The following RABEP1 variants were observed in gnomAD, a reference collection of about 807,000 sequenced individuals.
The protein encoded by RABEP1 is rab GTPase-binding effector protein 1.
A neutral mutation model predicts 123.4 loss-of-function variants in RABEP1; 51 were observed. That is an observed-to-expected ratio of 0.41 (90% CI 0.33 to 0.52). RABEP1 has a LOEUF of 0.52. RABEP1 is among the 20% of genes least tolerant of loss of function. The probability of loss-of-function intolerance (pLI) is 0.16; values close to 1 mark genes in which losing one functional copy is unlikely to be tolerated. For synonymous variants in RABEP1, 347 were observed against 355.2 expected, an observed-to-expected ratio of 0.98 and a Z score of 0.26; for missense variants, 888 against 996.3, an observed-to-expected ratio of 0.89 and a Z score of 1.46.
intron 12 of RABEP1, among the ~76,000 whole-genome samples, chr17:5,372,437 C>T (rs1407442751): frequency 3.3e-5 from 5 of 152,048 alleles, no homozygotes; most frequent in South Asian, 4.1e-4. Flanking sequence ...GGCTACAGAG[C>T]GAGACTGTCT....
At chr17:5,335,959 G>A (rs539827501) in intron 4 of RABEP1, among the ~76,000 whole-genome samples, 3 of 151,646 alleles carry the variant, frequency 2.0e-5, no homozygotes, top group Non-Finnish European at 2.9e-5. Context: ...CTTCTTTCTC[G>A]GTATCCTTTG....
At chr17:5,358,722 T>C (rs1162773755) in intron 8 of RABEP1, among the ~76,000 whole-genome samples, 2 of 151,900 alleles carry the variant, frequency 1.3e-5, no homozygotes, top group African/African-American at 4.8e-5. Flanking sequence ...ATTTTTAAGA[T>C]ATTATTGCCA....
chr17:5,335,922 A>C (rs1907035511), intron 4 of RABEP1, among the ~76,000 whole-genome samples: 1 of 152,090 alleles, frequency 6.6e-6, no homozygotes, highest in Non-Finnish European at 1.5e-5. Context: ...TGTCTAAAGC[A>C]AAGTTTTAGA....
intron 1 of RABEP1, among the ~76,000 whole-genome samples, chr17:5,283,714 T>G (rs1484692538): frequency 6.6e-6 from 1 of 152,160 alleles, no homozygotes; most frequent in Non-Finnish European, 1.5e-5. Context: ...ATTTTTGCCT[T>G]TGGGGAACTT....
chr17:5,376,006 G>A (rs910254575), intron 13 of RABEP1, among the ~76,000 whole-genome samples: 2 of 152,072 alleles, frequency 1.3e-5, no homozygotes, highest in Admixed American at 6.6e-5. Flanking sequence ...CTGAGTAGCT[G>A]GGACTACAGG....
intron 7 of RABEP1, among the ~76,000 whole-genome samples, chr17:5,351,138 GAC>G (rs146414631): frequency 0.14 from 20,574 of 152,034 alleles, 1,446 homozygotes; most frequent in East Asian, 0.17. Context: ...CAAAAGATTG[GAC>G]ACCTGCTCTA....
At chr17:5,329,415 C>T (rs1906299732) in intron 2 of RABEP1, among the ~76,000 whole-genome samples, 2 of 152,150 alleles carry the variant, frequency 1.3e-5, no homozygotes, top group South Asian at 4.1e-4. Flanking sequence ...CCTGTAATCC[C>T]AGCTACTTGG....
intron 5 of RABEP1, among the ~76,000 whole-genome samples, chr17:5,343,625 C>T (rs1339081050): frequency 6.6e-6 from 1 of 151,048 alleles, no homozygotes; most frequent in Non-Finnish European, 1.5e-5. Flanking sequence ...TAGACCCACT[C>T]TCTCCACCTT....
chr17:5,324,205 C>T lies in RABEP1; in HGVS notation c.164-7744C>T, dbSNP rs561384004. 5.9e-5 allele frequency among the ~76,000 whole-genome samples: 9 copies of T among 152,132 alleles called. No individual in the cohort carries two copies. In the South Asian group the frequency reaches 1.9e-3, roughly 32 times the overall value. On this transcript the variant is annotated intron_variant, in intron 2 of 17. Coordinates refer to ENST00000537505, the MANE Select transcript of RABEP1 (RefSeq NM_004703.6). Reference sequence around the variant, plus strand: ...AAAATTTACTACAAAGCTATAGTAACCCAATCAGCATGGCACTGGCATAAA... The same window carrying T: ...AAAATTTACTACAAAGCTATAGTAATCCAATCAGCATGGCACTGGCATAAA...
At chr17:5,308,505 C>T (rs1455290052) in intron 1 of RABEP1, among the ~76,000 whole-genome samples, 189 bp from the exon 2 acceptor site, 3 of 152,170 alleles carry the variant, frequency 2.0e-5, no homozygotes, top group African/African-American at 4.8e-5. Flanking sequence ...GGATTACAGG[C>T]GTGAGCCACC....
At chr17:5,289,362 C>T (rs2075010498) in intron 1 of RABEP1, among the ~76,000 whole-genome samples, 1 of 149,626 alleles carries the variant, frequency 6.7e-6, no homozygotes, top group Non-Finnish European at 1.5e-5. Context: ...TTGTCATTTA[C>T]CTCGTTTTAA....
chr17:5,335,383 T>G, intron 4 of RABEP1, 39 bp downstream of exon 4: 1 of 1,527,642 alleles, frequency 6.5e-7, no homozygotes, highest in South Asian at 1.2e-5. Context: ...ATATTTGAAT[T>G]CAAATGCAAA....
rs1239923360 is a variant in RABEP1, at chr17:5,383,594, TATTGGAAGAGAGAATTTGCTTTA to T, written c.*372_*394del. On this transcript the variant is annotated 3_prime_UTR_variant, in exon 18 of 18. Transcript: ENST00000537505. ...GTGTTTGGAATTTTCTGTTCATAGA[TATTGGAAGAGAGAATTTGCTTTA>T]TCTGTTGTCTAGAGCTCATCAGTAA... 1 of 276,522 alleles carries T rather than the reference TATTGGAAGAGAGAATTTGCTTTA, an allele frequency of 3.6e-6. No individual in the cohort carries two copies. The highest frequency in any genetic ancestry group is 6.9e-6 in the Non-Finnish European group (1 of 144,200). 17.1% of individuals were successfully genotyped at this position (276,522 alleles called of 1,614,324 possible). A position where few individuals can be genotyped will look rare whatever the true frequency, so the allele number is the denominator to read the frequency against.
At chr17:5,325,069 T>C (rs994016174) in intron 2 of RABEP1, among the ~76,000 whole-genome samples, 1 of 152,088 alleles carries the variant, frequency 6.6e-6, no homozygotes, top group African/African-American at 2.4e-5. Flanking sequence ...TCCTAGCACT[T>C]TGGGAGGCCA....
intron 13 of RABEP1, among the ~76,000 whole-genome samples, chr17:5,376,068 C>T (rs940687159): frequency 6.6e-5 from 10 of 152,198 alleles, no homozygotes; most frequent in African/African-American, 1.9e-4. Flanking sequence ...CTCGAATTCT[C>T]GACCTCAAGG....
At chr17:5,329,650 A>G (rs547592904) in intron 2 of RABEP1, among the ~76,000 whole-genome samples, 3 of 152,286 alleles carry the variant, frequency 2.0e-5, no homozygotes, top group Middle Eastern at 3.4e-3. Flanking sequence ...TAATAATTAC[A>G]TATACAGCAG....
intron 14 of RABEP1, 100 bp from the exon 15 acceptor site, chr17:5,378,077 A>G: frequency 1.2e-6 from 1 of 843,604 alleles, no homozygotes; most frequent in Non-Finnish European, 1.9e-6. Flanking sequence ...TGTTCAGCAT[A>G]CATTTGAATC....
chr17:5,322,556 G>C (rs890268877), intron 2 of RABEP1, among the ~76,000 whole-genome samples: 1 of 152,028 alleles, frequency 6.6e-6, no homozygotes, highest in Non-Finnish European at 1.5e-5. Context: ...TCCACTCTTA[G>C]TAATGGACAG....
At chr17:5,291,908 A>G (rs975322745) in intron 1 of RABEP1, among the ~76,000 whole-genome samples, 2 of 152,230 alleles carry the variant, frequency 1.3e-5, no homozygotes, top group Non-Finnish European at 2.9e-5. Context: ...CTGTCTCAAA[A>G]GTGGTGATAA....
Sources: gnomAD v4.1 joint callset for allele counts (sites outside exome capture counted in the v4.1 genomes callset) on GRCh38, gnomAD v4.1.1 for gene constraint, MANE v1.5 for transcripts, NCBI Gene and HGNC (gene_info 2026-07-23, HGNC 2026-07-21) for gene names.